Variants in CEP120 observed in about 807,000 individuals in gnomAD.
The protein encoded by CEP120 is centrosomal protein 120, also known as centrosomal protein of 120 kDa.
A neutral mutation model predicts 126.5 loss-of-function variants in CEP120; 113 were observed. That is an observed-to-expected ratio of 0.89 (90% CI 0.77 to 1.04). The LOEUF (loss-of-function observed/expected upper bound fraction) is 1.04, where lower values mean the gene tolerates loss of function less well. Ranked by LOEUF, CEP120 falls within the 50% of genes least tolerant of loss-of-function variation. The pLI is 0.00. For synonymous variants in CEP120, 400 were observed against 394.3 expected (o/e 1.01, Z -0.17); for missense variants, 1,230 against 1,155.7 (o/e 1.06, Z -0.93).
chr5:123,352,975 C>T (rs1014033780), intron 18 of CEP120, among the ~76,000 whole-genome samples: 9 of 151,978 alleles, frequency 5.9e-5, no homozygotes, highest in Non-Finnish European at 1.3e-4. Flanking sequence ...GACTTTGTTT[C>T]CAGCAAACTT....
At chr5:123,369,081 G>C (rs530709397) in intron 17 of CEP120, among the ~76,000 whole-genome samples, 1 of 151,528 alleles carries the variant, frequency 6.6e-6, no homozygotes, top group Non-Finnish European at 1.5e-5. Flanking sequence ...TGAATATATG[G>C]GTCATAAGCC....
At chr5:123,390,335 T>C in intron 7 of CEP120, 195 bp from the exon 8 acceptor site, 1 of 655,590 alleles carries the variant, frequency 1.5e-6, no homozygotes, top group Non-Finnish European at 2.8e-6. Flanking sequence ...AGAGGAAATA[T>C]GATATCCAGA....
At chr5:123,401,015 G>A in intron 4 of CEP120, 1 of 1,563,162 alleles carries the variant, frequency 6.4e-7, no homozygotes, top group Non-Finnish European at 8.7e-7. Flanking sequence ...TGCGGCTGAA[G>A]GAGCTGGCGC....
At chr5:123,378,305 T>C in intron 15 of CEP120, 31 bp downstream of exon 15, 1 of 1,533,026 alleles carries the variant, frequency 6.5e-7, no homozygotes. Context: ...CCCTCTATGC[T>C]GAAAAAAAAT....
At chr5:123,359,066 T>A (rs1769875097) in intron 18 of CEP120, among the ~76,000 whole-genome samples, 1 of 152,064 alleles carries the variant, frequency 6.6e-6, no homozygotes, top group South Asian at 2.1e-4. Context: ...AAGATTTACA[T>A]CCCATGCTTG....
In CEP120 at chr5:123,372,815, A is replaced by C. The variant is rs761712867; in HGVS notation, c.2359-43T>G. On this transcript the variant is annotated intron_variant, in intron 16 of 19. Coordinates refer to ENST00000306467, the MANE Select transcript of CEP120 (RefSeq NM_001375405.1). The stretch of plus-strand genomic sequence containing the variant: ...TAGCCATTTCAAAACAATGATATGC[A>C]AAGTTTAACAATAAAGTATTCAATT... 2.0e-6 allele frequency: 3 copies of C among 1,478,264 alleles called. No homozygotes were observed. In the East Asian group the frequency reaches 7.0e-5, roughly 34 times the overall value. The allele number at this position is 1,478,264 out of a possible 1,614,324, so 91.6% of individuals were successfully genotyped here. A position where few individuals can be genotyped will look rare whatever the true frequency, so the allele number is the denominator to read the frequency against.
intron 4 of CEP120, among the ~76,000 whole-genome samples, chr5:123,409,643 A>C (rs1401485106): frequency 6.6e-6 from 1 of 152,172 alleles, no homozygotes; most frequent in Non-Finnish European, 1.5e-5. Flanking sequence ...ATATGTGGAA[A>C]GAATCAACAA....
intron 13 of CEP120, 93 bp from the exon 14 acceptor site, chr5:123,382,293 AAT>A: frequency 1.7e-6 from 1 of 573,292 alleles, no homozygotes; most frequent in Non-Finnish European, 2.9e-6. Flanking sequence ...GCTGATCACT[AAT>A]ATGATTTTTT....
intron 18 of CEP120, among the ~76,000 whole-genome samples, chr5:123,359,774 T>A (rs1273750167): frequency 1.3e-5 from 2 of 151,956 alleles, no homozygotes; most frequent in African/African-American, 4.8e-5. Flanking sequence ...AAGAAAAGAT[T>A]TTTTTCTAAA....
intron 2 of CEP120, among the ~76,000 whole-genome samples, chr5:123,417,967 ACT>A (rs1010453208): frequency 8.5e-5 from 13 of 152,222 alleles, no homozygotes; most frequent in Non-Finnish European, 1.5e-4. Context: ...TTAAAAAAAC[ACT>A]CAATAACTAT....
chr5:123,386,969 AT>A (rs1227984471), intron 9 of CEP120, among the ~76,000 whole-genome samples: 1 of 152,080 alleles, frequency 6.6e-6, no homozygotes, highest in Non-Finnish European at 1.5e-5. Flanking sequence ...TAGTATCCTG[AT>A]TTTTTATGGG....
chr5:123,403,413 A>G, intron 4 of CEP120: 1 of 417,930 alleles, frequency 2.4e-6, no homozygotes, highest in Non-Finnish European at 4.7e-6. Context: ...GCAACTTAAA[A>G]GGGCTGCCCA....
chr5:123,377,419 T>C lies in CEP120; in HGVS notation c.2313A>G (p.Leu771=), dbSNP rs764784186. 4 of 1,611,424 alleles carry C rather than the reference T, an allele frequency of 2.5e-6. No individual in the cohort carries two copies. The Admixed American group carries it at 6.8e-5, about 27-fold the overall frequency. The change falls in exon 16 of 20, where the codon TTA becomes TTG. Residue 771 remains leucine (L), a synonymous_variant. Transcript: ENST00000306467. ...TATCCTCTTCGAGCTGTTTGATTTTTAACCTTTCTAGTTCTACTTGGTGAA... is the reference window on the plus strand; with the variant it reads ...TATCCTCTTCGAGCTGTTTGATTTTCAACCTTTCTAGTTCTACTTGGTGAA... ...DCIHQVELER[L]KIKQLEEDKH... is the part of the protein sequence containing the mutation.
At chr5:123,357,314 G>T (rs1356930644) in intron 18 of CEP120, among the ~76,000 whole-genome samples, 1 of 151,990 alleles carries the variant, frequency 6.6e-6, no homozygotes, top group East Asian at 1.9e-4. Context: ...TCTATGAAGT[G>T]ATATCTTTTT....
At chr5:123,395,831 G>A (rs1468522252) in intron 5 of CEP120, among the ~76,000 whole-genome samples, 3 of 151,470 alleles carry the variant, frequency 2.0e-5, no homozygotes, top group Non-Finnish European at 4.4e-5. Context: ...ACAGGCACCC[G>A]CCACCACACC....
At chr5:123,398,185 A>G (rs1289655103) in intron 5 of CEP120, among the ~76,000 whole-genome samples, 2 of 152,218 alleles carry the variant, frequency 1.3e-5, no homozygotes, top group African/African-American at 2.4e-5. Flanking sequence ...CTACTACAGA[A>G]CAACATAATG....
intron 18 of CEP120, among the ~76,000 whole-genome samples, chr5:123,358,709 A>AC (rs1769843451): frequency 7.1e-6 from 1 of 140,838 alleles, no homozygotes; most frequent in African/African-American, 2.6e-5. Context: ...CACACACACA[A>AC]GTTAGAGGGT....
chr5:123,404,536 T>C (rs1773518031), intron 4 of CEP120, among the ~76,000 whole-genome samples: 2 of 152,104 alleles, frequency 1.3e-5, no homozygotes, highest in African/African-American at 4.8e-5. Flanking sequence ...ATTTCTTTAA[T>C]ATATAAAGGT....
Position 123,418,456 on chromosome 5 carries a change from C to G in CEP120, c.109G>C (p.Glu37Gln). 6.2e-7 allele frequency: 1 copy of G among 1,612,146 alleles called. No individual in the cohort carries two copies. The highest frequency in any genetic ancestry group is 8.5e-7 in the Non-Finnish European group (1 of 1,178,552). The part of the protein sequence containing the change: ...MLVVEAKFDG[E>Q]QLATDPVDHT... ...TCCACAGGATCAGTAGCCAACTGTT[C>G]TCCATCAAACTTTGCTTCCACTACA... Residue 37 changes from glutamate to glutamine, a missense_variant, in exon 2 of 20, where the codon GAA becomes CAA. Coordinates refer to ENST00000306467, the MANE Select transcript of CEP120 (RefSeq NM_001375405.1).
Sources: allele counts gnomAD v4.1 joint callset (sites outside exome capture counted in the v4.1 genomes callset), GRCh38; gene constraint gnomAD v4.1.1; transcripts MANE v1.5; gene names NCBI Gene and HGNC (gene_info 2026-07-23, HGNC 2026-07-21).